The following MED25 variants were observed in gnomAD, a reference collection of about 807,000 sequenced individuals.
MED25 encodes mediator of RNA polymerase II transcription subunit 25.
Under a neutral mutation model 89.4 loss-of-function variants are expected in MED25, and 62 were observed. That is an observed-to-expected ratio of 0.69 (90% CI 0.57 to 0.86). The LOEUF (loss-of-function observed/expected upper bound fraction) is 0.86. Among genes scored for constraint, MED25 ranks in the 40% least tolerant of loss-of-function variants. The pLI is 0.00. For synonymous variants in MED25, 449 were observed against 427.9 expected (o/e 1.05, Z -0.61); for missense variants, 905 against 1,005.2 (o/e 0.90, Z 1.35).
intron 3 of MED25, chr19:49,819,944 G>C (rs2123863419): frequency 6.5e-6 from 1 of 154,432 alleles, no homozygotes; most frequent in East Asian, 1.9e-4. Flanking sequence ...TTCTGCCTCA[G>C]CCTCCCAAGT....
In MED25 at chr19:49,830,825, G is replaced by T. The variant is rs146715554; in HGVS notation, c.1039G>T (p.Val347Phe). ...KPPPASQPSL[V>F]STVAPGSGLA... Reference sequence around the variant, plus strand: ...ACCACCTGCTTCCCAGCCCAGTCTGGTCTCCACTGTGGCCCCTGGCTCCGG... The same window carrying T: ...ACCACCTGCTTCCCAGCCCAGTCTGTTCTCCACTGTGGCCCCTGGCTCCGG... The change falls in exon 9 of 18, where the codon GTC becomes TTC. Residue 347 changes from valine to phenylalanine, a missense_variant. Coordinates refer to ENST00000312865, the MANE Select transcript of MED25 (RefSeq NM_030973.4). This position sits in a 1 kb window ranked among gnomAD's most constrained non-coding sequence, Gnocchi z 4.6. 1.2e-6 allele frequency: 2 copies of T among 1,613,246 alleles called. No individual in the cohort carries two copies. The highest frequency in any genetic ancestry group is 3.3e-5 in the Admixed American group (2 of 60,008).
At chr19:49,823,686 C>T (rs1030597619) in intron 3 of MED25, among the ~76,000 whole-genome samples, 2 of 152,090 alleles carry the variant, frequency 1.3e-5, no homozygotes, top group East Asian at 3.9e-4. Flanking sequence ...TGCTTTGTTC[C>T]AGTATGTGCG....
At chr19:49,819,037 T>A in intron 2 of MED25, 135 bp from the exon 3 acceptor site, 1 of 1,118,686 alleles carries the variant, frequency 8.9e-7, no homozygotes. Flanking sequence ...GGGCCGAGAT[T>A]GCTGGGTCTG....
chr19:49,839,910 G>A (rs1303629249), downstream of MED25: 1 of 152,226 alleles, frequency 6.6e-6, no homozygotes, highest in Non-Finnish European at 1.5e-5. Context: ...TTTCTTGTGT[G>A]AATGCAGACC....
rs965357897 is a variant in MED25, at chr19:49,834,679, C to T, written c.1483-307C>T. On this transcript the variant is annotated intron_variant, in intron 13 of 17. Transcript: ENST00000312865. This position sits in a 1 kb window ranked among gnomAD's most constrained non-coding sequence, Gnocchi z 4.1. ...CTCAGCCGCCCTCTGAGGAGGCCGCCGTGGCATTTTATGCCCAAGAAACTG... is the reference window on the plus strand; with the variant it reads ...CTCAGCCGCCCTCTGAGGAGGCCGCTGTGGCATTTTATGCCCAAGAAACTG... 18 of 453,678 alleles carry T rather than the reference C, an allele frequency of 4.0e-5. No homozygotes were observed. Among genetic ancestry groups the T allele is most frequent in the African/African-American group, 2.0e-4 (10 of 50,460 alleles). 28.1% of individuals were successfully genotyped at this position (453,678 alleles called of 1,614,324 possible). A position where few individuals can be genotyped will look rare whatever the true frequency, so the allele number is the denominator to read the frequency against.
intron 13 of MED25, chr19:49,833,657 G>C (rs1019364462): frequency 6.6e-6 from 1 of 152,236 alleles, no homozygotes; most frequent in Non-Finnish European, 1.5e-5. Context: ...GATTCTGTGG[G>C]TCACCTGGGC....
intron 13 of MED25, chr19:49,832,892 C>T (rs374855974): frequency 1.7e-4 from 43 of 260,174 alleles, no homozygotes; most frequent in African/African-American, 9.1e-4. Context: ...CAGGTGGCAT[C>T]GCTCCAGGGT....
Position 49,829,671 on chromosome 19 carries a change from T to C in MED25, c.526-115T>C, listed in dbSNP as rs1198136201. The C allele has an allele frequency of 8.9e-7, 1 of 1,120,188 alleles. No homozygotes were observed. Among genetic ancestry groups the C allele is most frequent in the African/African-American group, 1.6e-5 (1 of 64,368 alleles). The allele number at this position is 1,120,188 out of a possible 1,614,324, so 69.4% of individuals were successfully genotyped here. On this transcript the variant is annotated intron_variant, in intron 5 of 17. Coordinates refer to ENST00000312865, the MANE Select transcript of MED25 (RefSeq NM_030973.4). This position sits in a 1 kb window ranked among gnomAD's most constrained non-coding sequence, Gnocchi z 4.6. ...CTCCTGCCTCAAAGCCCAATGGGAA[T>C]TGTGGTTGTAGGGCTGGTGCCGTCC...
chr19:49,821,845 G>C (rs1160100796), intron 3 of MED25, among the ~76,000 whole-genome samples: 2 of 145,760 alleles, frequency 1.4e-5, no homozygotes, highest in Non-Finnish European at 3.0e-5. Context: ...AAATTTTGTA[G>C]TGGCGGGGCA....
chr19:49,820,206 C>T (rs185557503), intron 3 of MED25, among the ~76,000 whole-genome samples: 11 of 152,248 alleles, frequency 7.2e-5, no homozygotes, highest in African/African-American at 2.2e-4. Flanking sequence ...AGGCCCAAGC[C>T]GACTCACGTC....
In MED25 at chr19:49,818,941, G is replaced by A. The variant is rs539190555; in HGVS notation, c.181-231G>A. 5.0e-4 allele frequency: 306 copies of A among 614,314 alleles called. 1 individual carries two copies. The African/African-American group carries it at 5.2e-3, about 10-fold the overall frequency. The allele number at this position is 614,314 out of a possible 1,614,324, so 38.1% of individuals were successfully genotyped here. A position where few individuals can be genotyped will look rare whatever the true frequency, so the allele number is the denominator to read the frequency against. On this transcript the variant is annotated intron_variant, in intron 2 of 17. Transcript: ENST00000312865. Reference sequence around the variant, plus strand: ...TGAGGCCTGGATTCCTGGGTCTGAGGGAGGAGGTGCTGGGGCCTGGGCTCC... The same window carrying A: ...TGAGGCCTGGATTCCTGGGTCTGAGAGAGGAGGTGCTGGGGCCTGGGCTCC...
At position 49,831,896 on chromosome 19, in the gene MED25, T is replaced by C. The variant is rs756809316; in HGVS notation, c.1231-40T>C. On this transcript the variant is annotated intron_variant, in intron 10 of 17. Coordinates refer to ENST00000312865, the MANE Select transcript of MED25 (RefSeq NM_030973.4). This position sits in a 1 kb window ranked among gnomAD's most constrained non-coding sequence, Gnocchi z 5.0. ...ATGAGGGCTCAAGGGGACTGAGGCTTATGGCCCTTTTTACTGACATGCTCT... is the reference window on the plus strand; with the variant it reads ...ATGAGGGCTCAAGGGGACTGAGGCTCATGGCCCTTTTTACTGACATGCTCT... The C allele has an allele frequency of 1.3e-6, 2 of 1,572,732 alleles. No individual in the cohort carries two copies. The highest frequency in any genetic ancestry group is 2.7e-5 in the African/African-American group (2 of 74,124).
In MED25 at chr19:49,830,926, C is replaced by A. The variant is rs1600326059; in HGVS notation, c.1101+39C>A. ...CGCCTCCTGCCCCTGCTCCTTCCTC[C>A]TGCTGTCCACAGCTAGGACAGTTAG... On this transcript the variant is annotated intron_variant, in intron 9 of 17. Coordinates refer to ENST00000312865, the MANE Select transcript of MED25 (RefSeq NM_030973.4). The surrounding 1 kb of genome is among the most constrained non-coding windows in gnomAD (Gnocchi z 4.6). 2 of 1,581,602 alleles carry A rather than the reference C, an allele frequency of 1.3e-6. No homozygotes were observed. The highest frequency in any genetic ancestry group is 4.5e-5 in the East Asian group (2 of 44,772).
intron 2 of MED25, 50 bp from the exon 3 acceptor site, chr19:49,819,121 GA>G: frequency 6.2e-7 from 1 of 1,611,526 alleles, no homozygotes. Context: ...TTCTCTAAGG[GA>G]AAAGGGAATT....
At chr19:49,838,870 A>G, downstream of MED25, 3 of 409,478 alleles carry the variant, frequency 7.3e-6, 1 homozygote, top group South Asian at 5.4e-5. Flanking sequence ...CGGCAGTGGT[A>G]CGCCGTTCCG....
Position 49,832,014 on chromosome 19 carries a change from G to T in MED25, c.1309G>T (p.Glu437Ter). ...LPCQVYVNHG[E>*]NLKTEQWPQK... ...CTGCCAGGTCTACGTGAATCATGGC[G>T]AGAACCTGTAGGTGACAGTCAGGGG... The change falls in exon 11 of 18, where the codon GAG (glutamate) becomes TAG (stop). Residue 437 changes from glutamate to a stop codon, truncating the protein, a stop_gained. Transcript: ENST00000312865. LOFTEE classifies it high-confidence loss of function. 1 of 1,613,876 alleles carries T rather than the reference G, an allele frequency of 6.2e-7. No homozygotes were observed. Among genetic ancestry groups the T allele is most frequent in the Non-Finnish European group, 8.5e-7 (1 of 1,179,852 alleles).
chr19:49,822,159 A>T (rs1054933262), intron 3 of MED25, among the ~76,000 whole-genome samples: 3 of 146,710 alleles, frequency 2.0e-5, no homozygotes, highest in Non-Finnish European at 3.0e-5. Context: ...GCTACTCGGG[A>T]GGCTGAGGCA....
rs771682855 is a variant in MED25 at position 49,836,359 on chromosome 19, C to T, written c.2099C>T (p.Pro700Leu). 4 of 1,608,014 alleles carry T rather than the reference C, an allele frequency of 2.5e-6. No individual in the cohort carries two copies. The highest frequency in any genetic ancestry group is 3.4e-6 in the Non-Finnish European group (4 of 1,177,704). ...QLGPPLLHPP[P>L]AQSWPAQLPP... ...GGGCCCCCACTCCTGCATCCACCAC[C>T]TGCCCAGTCCTGGCCCGCACAACTT... is the stretch of plus-strand genomic sequence containing the variant. Residue 700 changes from proline (P) to leucine (L), a missense_variant, in exon 17 of 18, where the codon CCT becomes CTT. Transcript: ENST00000312865. This position sits in a 1 kb window ranked among gnomAD's most constrained non-coding sequence, Gnocchi z 5.1.
chr19:49,820,719 A>G (rs2073975919), intron 3 of MED25, among the ~76,000 whole-genome samples: 1 of 152,166 alleles, frequency 6.6e-6, no homozygotes, highest in Non-Finnish European at 1.5e-5. Flanking sequence ...TAATACATAG[A>G]ACTTATTTCT....
Sources: allele counts gnomAD v4.1 joint callset (sites outside exome capture counted in the v4.1 genomes callset), GRCh38; gene constraint gnomAD v4.1.1; non-coding constraint Gnocchi (gnomAD v3.1); transcripts MANE v1.5; gene names NCBI Gene and HGNC (gene_info 2026-07-23, HGNC 2026-07-21).